The following DYSF variants were observed in gnomAD, a reference collection of about 807,000 sequenced individuals.
DYSF encodes the protein dystrophy-associated fer-1-like 1.
In DYSF, 212 loss-of-function variants were observed where a neutral mutation model predicts 274.9. That is an observed-to-expected ratio of 0.77 (90% CI 0.69 to 0.86). DYSF has a LOEUF of 0.86. DYSF is among the 40% of genes least tolerant of loss of function. The pLI, the probability that DYSF is intolerant of heterozygous loss-of-function variation, is 0.00. For missense variants in DYSF, 2,666 were observed against 2,783.2 expected (o/e 0.96, Z 0.95); for synonymous variants, 1,091 against 1,078.7 (o/e 1.01, Z -0.22).
At chr2:71,653,162 A>T (rs1045818849) in intron 42 of DYSF, among the ~76,000 whole-genome samples, 1 of 152,226 alleles carries the variant, frequency 6.6e-6, no homozygotes, top group African/African-American at 2.4e-5. Flanking sequence ...AGGAAACAAC[A>T]GGTGCTGGAG....
At chr2:71,623,626 G>A (rs1033131809) in intron 41 of DYSF, among the ~76,000 whole-genome samples, 2 of 151,962 alleles carry the variant, frequency 1.3e-5, no homozygotes, top group Non-Finnish European at 2.9e-5. Flanking sequence ...GCATTATCCA[G>A]GATTTTTAGT....
intron 42 of DYSF, among the ~76,000 whole-genome samples, chr2:71,647,749 T>C (rs1232190909): frequency 6.6e-6 from 1 of 152,246 alleles, no homozygotes; most frequent in Admixed American, 6.5e-5. Flanking sequence ...TTGATAATTA[T>C]TTAGGACAGA....
At chr2:71,664,088 C>T (rs549781885) in intron 45 of DYSF, among the ~76,000 whole-genome samples, 180 bp from the exon 46 acceptor site, 1 of 152,336 alleles carries the variant, frequency 6.6e-6, no homozygotes, top group African/African-American at 2.4e-5. Flanking sequence ...TCCTGTCCCC[C>T]TTCCCCCTAC....
chr2:71,570,303 C>CATTGAGG lies in DYSF; in HGVS notation c.3055_3056insTTGAGGA (p.Thr1019IlefsTer11). The CATTGAGG allele has an allele frequency of 6.2e-7, 1 of 1,614,066 alleles. No individual in the cohort carries two copies. The highest frequency in any genetic ancestry group is 8.5e-7 in the Non-Finnish European group (1 of 1,179,974). ...GGAAGTGGGAAGATGAGGAATGGTC[C>CATTGAGG]ACAGACCTCAACCGGGCTGTCGATG... On this transcript the variant is annotated frameshift_variant, in exon 28 of 56. Transcript: ENST00000410020. LOFTEE classifies it high-confidence loss of function.
At chr2:71,566,602 G>A (rs986774436) in intron 24 of DYSF, among the ~76,000 whole-genome samples, 2 of 152,130 alleles carry the variant, frequency 1.3e-5, no homozygotes, top group Non-Finnish European at 1.5e-5. Flanking sequence ...CCAGCAGGCT[G>A]GCCCCGTCTC....
chr2:71,518,112 G>T (rs1290833331), intron 10 of DYSF, among the ~76,000 whole-genome samples: 1 of 152,132 alleles, frequency 6.6e-6, no homozygotes, highest in Non-Finnish European at 1.5e-5. Context: ...TGGAGAGAGG[G>T]GAACCCTGCC....
Position 71,466,793 on chromosome 2 carries a change from C to T in DYSF, c.-50C>T, listed in dbSNP as rs1236355992. 7 of 1,458,726 alleles carry T rather than the reference C, an allele frequency of 4.8e-6. No individual in the cohort carries two copies. The highest frequency in any genetic ancestry group is 6.4e-6 in the Non-Finnish European group (7 of 1,092,008). The allele number at this position is 1,458,726 out of a possible 1,614,324, so 90.4% of individuals were successfully genotyped here. ...TGGGTGGGTGCTCGGGCCCGGTGCT[C>T]CCGCTCCCGCCCTGACTGCGCGCCT... On this transcript the variant is annotated 5_prime_UTR_variant, in exon 1 of 56. Coordinates refer to ENST00000410020, the MANE Select transcript of DYSF (RefSeq NM_001130987.2).
chr2:71,493,780 A>G (rs1362145111), intron 3 of DYSF, among the ~76,000 whole-genome samples: 2 of 125,850 alleles, frequency 1.6e-5, no homozygotes, highest in Non-Finnish European at 3.1e-5. Flanking sequence ...TGAACCCAGG[A>G]GGTGGAGGTT....
upstream of DYSF, chr2:71,466,648 C>A: frequency 1.5e-6 from 2 of 1,307,716 alleles, no homozygotes; most frequent in East Asian, 3.0e-5. Context: ...GGGGAGGGTC[C>A]GCCCAGCGGG....
Position 71,553,115 on chromosome 2 carries a change from C to T in DYSF, c.1911C>T (p.Asn637=), listed in dbSNP as rs2091073337. 1 of 1,614,172 alleles carries T rather than the reference C, an allele frequency of 6.2e-7. No individual in the cohort carries two copies. Among genetic ancestry groups the T allele is most frequent in the East Asian group, 2.2e-5 (1 of 44,888 alleles). The change falls in exon 20 of 56, where the codon AAC becomes AAT. Residue 637 remains asparagine, a synonymous_variant. Coordinates refer to ENST00000410020, the MANE Select transcript of DYSF (RefSeq NM_001130987.2). ...DAIQFEVSIG[N]YGNKFDMTCL... ...TCCAGTTTGAGGTCAGCATCGGGAA[C>T]TACGGGAACAAGTTCGACATGACCT... is the stretch of plus-strand genomic sequence containing the variant.
rs370223980 is a variant in DYSF, at chr2:71,516,174, C to T, written c.889-6C>T. The T allele has an allele frequency of 2.2e-5, 35 of 1,614,144 alleles. No individual in the cohort carries two copies. Among genetic ancestry groups the T allele is most frequent in the Non-Finnish European group, 2.7e-5 (32 of 1,180,008 alleles). On this transcript the variant is annotated splice_polypyrimidine_tract_variant and splice_region_variant and intron_variant, in intron 8 of 55. Transcript: ENST00000410020. The stretch of plus-strand genomic sequence containing the variant: ...TGATATGTCTCTCTTTGCTCTGAAC[C>T]AACAGACTCTTTTCTTCAACTTGTT...
chr2:71,615,364 G>A lies in DYSF; in HGVS notation c.4464+1954G>A, dbSNP rs983648805. 6.6e-6 allele frequency among the ~76,000 whole-genome samples: 1 copy of A among 152,094 alleles called. No individual in the cohort carries two copies. The highest frequency in any genetic ancestry group is 2.4e-5 in the African/African-American group (1 of 41,426). ...GGAGGGGCTGGGCCTCCCCTGGCCTGGGACAGGGGAGGAGGAGGAAATGAC... is the reference window on the plus strand; with the variant it reads ...GGAGGGGCTGGGCCTCCCCTGGCCTAGGACAGGGGAGGAGGAGGAAATGAC... On this transcript the variant is annotated intron_variant, in intron 40 of 55. Coordinates refer to ENST00000410020, the MANE Select transcript of DYSF (RefSeq NM_001130987.2). This position sits in a 1 kb window ranked among gnomAD's most constrained non-coding sequence, Gnocchi z 4.9.
At chr2:71,475,921 C>T (rs2082360465) in intron 1 of DYSF, among the ~76,000 whole-genome samples, 1 of 152,072 alleles carries the variant, frequency 6.6e-6, no homozygotes, top group Non-Finnish European at 1.5e-5. Flanking sequence ...GGCACATGCA[C>T]CACTACACCT....
At chr2:71,672,317 G>A (rs1295439071) in intron 51 of DYSF, among the ~76,000 whole-genome samples, 2 of 151,884 alleles carry the variant, frequency 1.3e-5, no homozygotes, top group South Asian at 2.1e-4. Context: ...CTGAAGGATC[G>A]AGTCTGGATG....
intron 41 of DYSF, among the ~76,000 whole-genome samples, chr2:71,631,251 G>A (rs2094307915): frequency 6.6e-6 from 1 of 152,122 alleles, no homozygotes; most frequent in East Asian, 1.9e-4. Context: ...ACTTAGAGGG[G>A]GAGTATTTTA....
At chr2:71,563,411 G>A (rs2152805519) in intron 23 of DYSF, among the ~76,000 whole-genome samples, 1 of 152,284 alleles carries the variant, frequency 6.6e-6, no homozygotes, top group South Asian at 2.1e-4. Flanking sequence ...CATCATCCTT[G>A]GAAGCAAATG....
At chr2:71,609,575 C>T (rs528640933) in intron 36 of DYSF, among the ~76,000 whole-genome samples, 2 of 152,308 alleles carry the variant, frequency 1.3e-5, no homozygotes, top group Admixed American at 6.5e-5. Context: ...ATTTAATTCT[C>T]GGAGCAGCTT....
At chr2:71,537,149 C>T (rs764622058) in intron 16 of DYSF, among the ~76,000 whole-genome samples, 6 of 150,844 alleles carry the variant, frequency 4.0e-5, no homozygotes, top group Non-Finnish European at 8.8e-5. Flanking sequence ...GGTACAAATG[C>T]CATTAACTGT....
chr2:71,513,833 G>T lies in DYSF; in HGVS notation c.671G>T (p.Arg224Leu). 6.2e-7 allele frequency: 1 copy of T among 1,614,170 alleles called. No individual in the cohort carries two copies. Among genetic ancestry groups the T allele is most frequent in the Middle Eastern group, 1.7e-4 (1 of 6,060 alleles). Residue 224 changes from arginine (R) to leucine (L), a missense_variant, in exon 7 of 56, where the codon CGT (arginine) becomes CTT (leucine). Coordinates refer to ENST00000410020, the MANE Select transcript of DYSF (RefSeq NM_001130987.2). ...APTTPRKLPS[R>L]PPPHYPGIKR... ...ACCACCCCAAGGAAACTACCTTCAC[G>T]TCCTCCGCCCCACTACCCCGGGATC...
Sources: allele counts gnomAD v4.1 joint callset (sites outside exome capture counted in the v4.1 genomes callset), GRCh38; gene constraint gnomAD v4.1.1; non-coding constraint Gnocchi (gnomAD v3.1); transcripts MANE v1.5; gene names NCBI Gene and HGNC (gene_info 2026-07-23, HGNC 2026-07-21).